Variants in NXPH2 observed in about 807,000 individuals in gnomAD.
NXPH2 encodes neurexophilin-2.
In NXPH2, 5 loss-of-function variants were observed where a neutral mutation model predicts 19.8. That is an observed-to-expected ratio of 0.25 (90% CI 0.13 to 0.53). NXPH2 has a LOEUF of 0.53. Ranked by LOEUF, NXPH2 falls within the 20% of genes least tolerant of loss-of-function variation. The pLI is 0.96. For synonymous variants in NXPH2, 154 were observed against 127.4 expected (o/e 1.21, Z -1.41); for missense variants, 289 against 322.8 (o/e 0.90, Z 0.80).
Position 138,731,806 on chromosome 2 carries a change from G to A in NXPH2, c.51+48385C>T, listed in dbSNP as rs548544701. ...AGCACAAGCAGGAGACAGTAGAACG[G>A]CCCTAATCAAGTCCAGCTTCTTCAC... On this transcript the variant is annotated intron_variant, in intron 1 of 1. Coordinates refer to ENST00000272641, the MANE Select transcript of NXPH2 (RefSeq NM_007226.3). Among the ~76,000 whole-genome samples, 26 of 152,116 alleles carry A rather than the reference G, an allele frequency of 1.7e-4. No individual in the cohort carries two copies. The South Asian group carries it at 4.8e-3, about 28-fold the overall frequency.
chr2:138,748,032 G>A (rs944057023), intron 1 of NXPH2, among the ~76,000 whole-genome samples: 2 of 152,176 alleles, frequency 1.3e-5, no homozygotes, highest in African/African-American at 4.8e-5. Flanking sequence ...GATGCTAAGT[G>A]AGTGGGTCTA....
At position 138,707,107 on chromosome 2, in the gene NXPH2, A is replaced by AAAAAAAAAAAAAAAACAAAAAAAAAAC. The variant is rs1558918445; in HGVS notation, c.52-35443_52-35442insGTTTTTTTTTTGTTTTTTTTTTTTTTT. Reference sequence around the variant, plus strand: ...CTTGCCCCATGACAAAAAAAAAAAAAAAAAAGAGCAAGAAGAAGAAGCAAC... The same window carrying AAAAAAAAAAAAAAAACAAAAAAAAAAC: ...CTTGCCCCATGACAAAAAAAAAAAAAAAAAAAAAAAAAAAACAAAAAAAAAACAAAAAGAGCAAGAAGAAGAAGCAAC... On this transcript the variant is annotated intron_variant, in intron 1 of 1. Transcript: ENST00000272641. 1.3e-3 allele frequency among the ~76,000 whole-genome samples: 191 copies of AAAAAAAAAAAAAAAACAAAAAAAAAAC among 146,588 alleles called. 2 individuals are homozygous for AAAAAAAAAAAAAAAACAAAAAAAAAAC. Among genetic ancestry groups the AAAAAAAAAAAAAAAACAAAAAAAAAAC allele is most frequent in the African/African-American group, 4.5e-3 (180 of 40,028 alleles).
chr2:138,722,662 C>G (rs1681299180), intron 1 of NXPH2, among the ~76,000 whole-genome samples: 1 of 152,112 alleles, frequency 6.6e-6, no homozygotes, highest in African/African-American at 2.4e-5. Context: ...ACGAAGAAGG[C>G]CCAGTCCAGG....
intron 1 of NXPH2, among the ~76,000 whole-genome samples, chr2:138,746,245 C>G (rs1428372521): frequency 6.6e-6 from 1 of 152,240 alleles, no homozygotes; most frequent in Non-Finnish European, 1.5e-5. Context: ...TTCTTCACAG[C>G]TCCCATCAAT....
intron 1 of NXPH2, among the ~76,000 whole-genome samples, chr2:138,759,207 A>G (rs1298297938): frequency 6.6e-6 from 1 of 152,174 alleles, no homozygotes. Context: ...GCACATTTCA[A>G]AAAATGTTTT....
In NXPH2 at chr2:138,750,836, T is replaced by G. The variant is rs994960446; in HGVS notation, c.51+29355A>C. Among the ~76,000 whole-genome samples, 44 of 152,114 alleles carry G rather than the reference T, an allele frequency of 2.9e-4. 1 individual carries two copies. The highest frequency in any genetic ancestry group is 1.6e-3 in the Admixed American group (24 of 15,266). On this transcript the variant is annotated intron_variant, in intron 1 of 1. Transcript: ENST00000272641. ...GAGTAGGATCTGTGTCCCCACCAAA[T>G]CTCATATTGAATTGTAATCCTCAGT...
intron 1 of NXPH2, among the ~76,000 whole-genome samples, chr2:138,755,456 C>T (rs901443766): frequency 3.3e-5 from 5 of 152,096 alleles, no homozygotes; most frequent in African/African-American, 9.7e-5. Flanking sequence ...GCCTTTGTTC[C>T]TTTGTCAAAA....
chr2:138,747,702 T>C (rs575010237), intron 1 of NXPH2, among the ~76,000 whole-genome samples: 1 of 152,314 alleles, frequency 6.6e-6, no homozygotes, highest in African/African-American at 2.4e-5. Flanking sequence ...TGGCTGGGCC[T>C]ACCCTTCCTG....
chr2:138,727,190 A>G (rs1334472231), intron 1 of NXPH2, among the ~76,000 whole-genome samples: 1 of 152,200 alleles, frequency 6.6e-6, no homozygotes, highest in Non-Finnish European at 1.5e-5. Flanking sequence ...CCATCAAAGG[A>G]CATCTTGATT....
chr2:138,775,819 G>T (rs553789588), intron 1 of NXPH2, among the ~76,000 whole-genome samples: 1 of 152,154 alleles, frequency 6.6e-6, no homozygotes, highest in Admixed American at 6.5e-5. Context: ...TTTTAAAGCC[G>T]TTTTGAAATA....
chr2:138,689,587 A>G (rs148217466), intron 1 of NXPH2, among the ~76,000 whole-genome samples: 1 of 152,348 alleles, frequency 6.6e-6, no homozygotes, highest in East Asian at 1.9e-4. Flanking sequence ...CCAGTTTTAT[A>G]GGGAAATCTG....
chr2:138,759,235 C>T (rs1461720059), intron 1 of NXPH2, among the ~76,000 whole-genome samples: 1 of 152,072 alleles, frequency 6.6e-6, no homozygotes, highest in East Asian at 1.9e-4. Flanking sequence ...TTTATGAAGG[C>T]AATGTGATAT....
chr2:138,749,089 T>G (rs558162762), intron 1 of NXPH2, among the ~76,000 whole-genome samples: 1 of 152,186 alleles, frequency 6.6e-6, no homozygotes, highest in African/African-American at 2.4e-5. Context: ...TGAGGGAGGA[T>G]CCTGGTGGGA....
chr2:138,698,764 G>A (rs1680867727), intron 1 of NXPH2, among the ~76,000 whole-genome samples: 1 of 152,172 alleles, frequency 6.6e-6, no homozygotes, highest in African/African-American at 2.4e-5. Flanking sequence ...GGAGGCAGGA[G>A]GATTGCCTGA....
chr2:138,733,522 T>C (rs58404274), intron 1 of NXPH2, among the ~76,000 whole-genome samples: 19,255 of 151,772 alleles, frequency 0.13, 1,610 homozygotes, highest in Middle Eastern at 0.26. Context: ...AAGAAAAGAG[T>C]TTAAATGAAT....
chr2:138,669,497 C>G lies in NXPH2; in HGVS notation c.*1425G>C, dbSNP rs759410917. On this transcript the variant is annotated 3_prime_UTR_variant, in exon 2 of 2. Coordinates refer to ENST00000272641, the MANE Select transcript of NXPH2 (RefSeq NM_007226.3). ...AGAAATGAAGATAGAGAACAGAGCT[C>G]TTGGTTTTTTGAACAGTGTGGTAAG... is the stretch of plus-strand genomic sequence containing the variant. 6.6e-6 allele frequency among the ~76,000 whole-genome samples: 1 copy of G among 152,172 alleles called. No individual in the cohort carries two copies. Among genetic ancestry groups the G allele is most frequent in the South Asian group, 2.1e-4 (1 of 4,822 alleles).
rs972085454 is a variant in NXPH2 at position 138,669,726 on chromosome 2, G to T, written c.*1196C>A. On this transcript the variant is annotated 3_prime_UTR_variant, in exon 2 of 2. Transcript: ENST00000272641. ...TCTGTTCTAATTTAATGATCATTCA[G>T]TTCTACCATATAGGACTGCTATTCA... is the stretch of plus-strand genomic sequence containing the variant. Among the ~76,000 whole-genome samples the T allele has an allele frequency of 6.6e-6, 1 of 152,136 alleles. No individual in the cohort carries two copies. The highest frequency in any genetic ancestry group is 1.5e-5 in the Non-Finnish European group (1 of 68,008).
At chr2:138,741,038 A>G (rs1681634309) in intron 1 of NXPH2, among the ~76,000 whole-genome samples, 1 of 152,070 alleles carries the variant, frequency 6.6e-6, no homozygotes, top group Non-Finnish European at 1.5e-5. Context: ...CTCCCTCCAC[A>G]TTTTCCTGGC....
At chr2:138,733,599 G>A (rs1405711255) in intron 1 of NXPH2, among the ~76,000 whole-genome samples, 2 of 152,126 alleles carry the variant, frequency 1.3e-5, no homozygotes, top group African/African-American at 4.8e-5. Flanking sequence ...CATTTTACGT[G>A]AAAATATATC....
Sources: gnomAD v4.1 joint callset for allele counts (sites outside exome capture counted in the v4.1 genomes callset) on GRCh38, gnomAD v4.1.1 for gene constraint, MANE v1.5 for transcripts, NCBI Gene and HGNC (gene_info 2026-07-23, HGNC 2026-07-21) for gene names.